The following PLA2G4C variants were observed in gnomAD, a reference collection of about 807,000 sequenced individuals.
PLA2G4C encodes the protein cytosolic phospholipase A2 gamma.
A neutral mutation model predicts 73.8 loss-of-function variants in PLA2G4C; 64 were observed. That is an observed-to-expected ratio of 0.87 (90% CI 0.71 to 1.07). PLA2G4C has a LOEUF of 1.07. PLA2G4C is among the 50% of genes least tolerant of loss of function. The pLI is 0.00. For synonymous variants in PLA2G4C, 254 were observed against 252.1 expected (o/e 1.01, Z -0.07); for missense variants, 622 against 665.4 (o/e 0.93, Z 0.72).
At chr19:48,074,686 A>AGTCCTG in intron 12 of PLA2G4C, 81 bp downstream of exon 12, 1 of 926,810 alleles carries the variant, frequency 1.1e-6, no homozygotes, top group Non-Finnish European at 1.8e-6. Context: ...GGACTGGCCC[A>AGTCCTG]CAGGGGTGGG....
Position 48,097,925 on chromosome 19 carries a change from G to C in PLA2G4C, c.568+214C>G, listed in dbSNP as rs1482130982. 8.7e-6 allele frequency: 4 copies of C among 459,092 alleles called. No homozygotes were observed. The South Asian group carries it at 1.8e-4, about 21-fold the overall frequency. 28.4% of individuals were successfully genotyped at this position (459,092 alleles called of 1,614,324 possible). On this transcript the variant is annotated intron_variant, in intron 6 of 16. Coordinates refer to ENST00000599921, the MANE Select transcript of PLA2G4C (RefSeq NM_003706.3). ...TGAGCCACCATGTTGGCCTCTTAAA[G>C]GTTTTCTTGATCCATGCAAAGCAAG...
chr19:48,095,061 A>C (rs187312626), intron 7 of PLA2G4C, among the ~76,000 whole-genome samples: 1 of 152,188 alleles, frequency 6.6e-6, no homozygotes, highest in East Asian at 1.9e-4. Context: ...CTAATTTTTA[A>C]ATCTTGTGTA....
At chr19:48,069,915 C>T (rs990075486) in intron 12 of PLA2G4C, among the ~76,000 whole-genome samples, 2 of 152,174 alleles carry the variant, frequency 1.3e-5, no homozygotes, top group Non-Finnish European at 2.9e-5. Context: ...CAGGCACCCA[C>T]CACTACGCCC....
Position 48,099,820 on chromosome 19 carries a change from C to T in PLA2G4C, c.298G>A (p.Ala100Thr). The change falls in exon 5 of 17, where the codon GCT (alanine) becomes ACT (threonine). Residue 100 changes from alanine to threonine, a missense_variant. Transcript: ENST00000599921. The stretch of plus-strand genomic sequence containing the variant: ...CGATGTTTCAGGTCAGCCTCGAGAG[C>T]TTCCATGTCACCATCATTGGTGTAG... Reference protein sequence around the residue: ...SLYTNDGDMEALEADLKHRFT... With the variant: ...SLYTNDGDMETLEADLKHRFT... The T allele has an allele frequency of 6.2e-7, 1 of 1,613,876 alleles. No homozygotes were observed. The highest frequency in any genetic ancestry group is 8.5e-7 in the Non-Finnish European group (1 of 1,179,840).
chr19:48,054,743 C>T (rs1024476018), intron 15 of PLA2G4C, 135 bp downstream of exon 15: 24 of 818,656 alleles, frequency 2.9e-5, no homozygotes, highest in Non-Finnish European at 4.2e-5. Flanking sequence ...CCTGAGGCCT[C>T]TCAATCCATG....
intron 15 of PLA2G4C, among the ~76,000 whole-genome samples, chr19:48,053,378 T>C (rs1240315200): frequency 2.7e-5 from 4 of 146,616 alleles, no homozygotes; most frequent in Non-Finnish European, 6.0e-5. Context: ...TTTTTTTTTT[T>C]TTTTTTTTGA....
intron 13 of PLA2G4C, among the ~76,000 whole-genome samples, chr19:48,066,001 C>T (rs1441372281): frequency 2.6e-5 from 4 of 151,668 alleles, no homozygotes; most frequent in South Asian, 4.2e-4. Context: ...GCAGGAGAAT[C>T]GCTTAAACCC....
chr19:48,102,079 T>C (rs2031949748), intron 4 of PLA2G4C, among the ~76,000 whole-genome samples: 1 of 152,130 alleles, frequency 6.6e-6, no homozygotes, highest in African/African-American at 2.4e-5. Context: ...ATGTCAAATA[T>C]CTCATTAACA....
rs367872447 is a variant in PLA2G4C, at chr19:48,106,539, C to A, written c.-10G>T. On this transcript the variant is annotated 5_prime_UTR_variant, in exon 2 of 17. Transcript: ENST00000599921. Reference sequence around the variant, plus strand: ...GGACTTACCTTCCCATGGTGCACTGCGGTCAGAAAATTCTCAGTCCTCCTG... The same window carrying A: ...GGACTTACCTTCCCATGGTGCACTGAGGTCAGAAAATTCTCAGTCCTCCTG... 6.2e-7 allele frequency: 1 copy of A among 1,612,644 alleles called. No individual in the cohort carries two copies. The highest frequency in any genetic ancestry group is 8.5e-7 in the Non-Finnish European group (1 of 1,178,632).
Position 48,099,653 on chromosome 19 carries a change from C to T in PLA2G4C, c.447+18G>A. On this transcript the variant is annotated intron_variant, in intron 5 of 16. Transcript: ENST00000599921. ...TGCTCCTACCCCCACCCCAGGTCCC[C>T]AGCTGGGAATGACTTACTTCTCTGG... 1 of 1,601,220 alleles carries T rather than the reference C, an allele frequency of 6.2e-7. No homozygotes were observed.
chr19:48,051,561 G>C (rs1967725952), intron 16 of PLA2G4C, among the ~76,000 whole-genome samples: 1 of 62,120 alleles, frequency 1.6e-5, no homozygotes, highest in South Asian at 7.4e-4. Flanking sequence ...AGAGATGAGA[G>C]AGAGAGATCG....
In PLA2G4C at chr19:48,104,716, A is replaced by C. The variant is rs753905137; in HGVS notation, c.129T>G (p.Val43=). 7 of 1,613,990 alleles carry C rather than the reference A, an allele frequency of 4.3e-6. No homozygotes were observed. Among genetic ancestry groups the C allele is most frequent in the South Asian group, 2.2e-5 (2 of 91,066 alleles). Residue 43 remains valine, a synonymous_variant, in exon 4 of 17, where the codon GTT becomes GTG. Coordinates refer to ENST00000599921, the MANE Select transcript of PLA2G4C (RefSeq NM_003706.3). ...KLRIEADEAP[V]VAVLGSGGGL... is the part of the protein sequence containing the mutation. ...CTCCGCCTGAGCCCAGCACAGCAAC[A>C]ACTGGGGCCTAGGCATTGGGGAGAA...
intron 11 of PLA2G4C, among the ~76,000 whole-genome samples, chr19:48,076,486 T>G (rs528038266): frequency 6.6e-6 from 1 of 152,244 alleles, no homozygotes; most frequent in East Asian, 1.9e-4. Context: ...CTCACACCTG[T>G]AATCCCAGCA....
In PLA2G4C at chr19:48,110,542, C is replaced by G. The variant is rs1441973998; in HGVS notation, c.-88G>C. 7.8e-6 allele frequency: 12 copies of G among 1,531,310 alleles called. No homozygotes were observed. Among genetic ancestry groups the G allele is most frequent in the South Asian group, 4.8e-5 (4 of 83,286 alleles). 94.9% of individuals were successfully genotyped at this position (1,531,310 alleles called of 1,614,324 possible). On this transcript the variant is annotated 5_prime_UTR_variant, in exon 1 of 17. Transcript: ENST00000599921. The stretch of plus-strand genomic sequence containing the variant: ...CGCGGTGGAGCTTGTGCTCCGGAAT[C>G]CGGTGCGGAGGCTTGGGCTCCCTGC...
chr19:48,110,565 T>TTGGGCTCCGGAATCCGGTGCGGCG lies in PLA2G4C; in HGVS notation c.-112_-111insCGCCGCACCGGATTCCGGAGCCCA. On this transcript the variant is annotated 5_prime_UTR_variant, in exon 1 of 17. Coordinates refer to ENST00000599921, the MANE Select transcript of PLA2G4C (RefSeq NM_003706.3). ...ATCCGGTGCGGAGGCTTGGGCTCCC[T>TTGGGCTCCGGAATCCGGTGCGGCG]GCGCTTAGCGGTGTAGTCGCTGGAC... is the stretch of plus-strand genomic sequence containing the variant. 1 of 393,596 alleles carries TTGGGCTCCGGAATCCGGTGCGGCG rather than the reference T, an allele frequency of 2.5e-6. No homozygotes were observed. The allele number at this position is 393,596 out of a possible 1,614,324, so 24.4% of individuals were successfully genotyped here.
intron 14 of PLA2G4C, among the ~76,000 whole-genome samples, chr19:48,056,794 T>TG (rs760859575): frequency 2.2e-5 from 3 of 137,474 alleles, no homozygotes; most frequent in East Asian, 4.3e-4. Context: ...ATAGCACCAC[T>TG]GCACTCCAGC....
At chr19:48,079,039 T>C (rs1386105860) in intron 10 of PLA2G4C, among the ~76,000 whole-genome samples, 1 of 152,158 alleles carries the variant, frequency 6.6e-6, no homozygotes, top group Non-Finnish European at 1.5e-5. Flanking sequence ...GGCTAATTTT[T>C]GTATTTGTAG....
intron 11 of PLA2G4C, among the ~76,000 whole-genome samples, chr19:48,076,465 C>T (rs142494409): frequency 4.1e-4 from 62 of 152,184 alleles, no homozygotes; most frequent in African/African-American, 1.4e-3. Flanking sequence ...CAGCTTGGCC[C>T]AGCGCGGTGG....
At chr19:48,108,243 TC>T (rs1467818936) in intron 1 of PLA2G4C, among the ~76,000 whole-genome samples, 1 of 152,140 alleles carries the variant, frequency 6.6e-6, no homozygotes, top group African/African-American at 2.4e-5. Flanking sequence ...CAAGCAATCC[TC>T]CTGCCTTGGC....
Sources: allele counts gnomAD v4.1 joint callset (sites outside exome capture counted in the v4.1 genomes callset), GRCh38; gene constraint gnomAD v4.1.1; transcripts MANE v1.5; gene names NCBI Gene and HGNC (gene_info 2026-07-23, HGNC 2026-07-21).